Variants in ZGRF1 observed in about 807,000 individuals in gnomAD.
ZGRF1 encodes the protein zinc finger GRF-type containing 1.
In ZGRF1, 196 loss-of-function variants were observed where a neutral mutation model predicts 203.5. The observed-to-expected ratio is 0.96, with a 90% CI of 0.86 to 1.08. The LOEUF is 1.08. Among genes scored for constraint, ZGRF1 ranks in the 50% least tolerant of loss-of-function variants. The pLI is 0.00. For synonymous variants in ZGRF1, 809 were observed against 841.3 expected (o/e 0.96, Z 0.66); for missense variants, 2,326 against 2,416.3 (o/e 0.96, Z 0.78).
At position 112,581,692 on chromosome 4, in the gene ZGRF1, C is replaced by T. The variant is rs746948677; in HGVS notation, c.4409G>A (p.Arg1470Gln). The change falls in exon 16 of 28, where the codon CGG (arginine) becomes CAG (glutamine). Residue 1470 changes from arginine (R) to glutamine (Q), a missense_variant. Coordinates refer to ENST00000505019, the MANE Select transcript of ZGRF1 (RefSeq NM_018392.5). Reference sequence around the variant, plus strand: ...GCTATAAGCTGAAGATCTTTCCTTCCGACTTAGCTTAAGATAAAGTTTGGT... The same window carrying T: ...GCTATAAGCTGAAGATCTTTCCTTCTGACTTAGCTTAAGATAAAGTTTGGT... ...PKTKLYLKLS[R>Q]KERSSAYSKN... 79 of 1,579,554 alleles carry T rather than the reference C, an allele frequency of 5.0e-5. No individual in the cohort carries two copies. The highest frequency in any genetic ancestry group is 6.2e-5 in the Non-Finnish European group (72 of 1,167,938).
At chr4:112,585,751 G>C (rs1578365108) in intron 13 of ZGRF1, 26 bp from the exon 14 acceptor site, 1 of 1,459,204 alleles carries the variant, frequency 6.9e-7, no homozygotes, top group Non-Finnish European at 9.2e-7. Context: ...AAAGAGAGCA[G>C]AAAATTAAAT....
intron 18 of ZGRF1, 113 bp downstream of exon 18, chr4:112,562,258 A>G (rs1742139220): frequency 1.5e-6 from 1 of 667,330 alleles, no homozygotes; most frequent in East Asian, 2.8e-5. Context: ...AGTCTGAAAA[A>G]TAATTACAAT....
chr4:112,554,344 T>G (rs917834824), intron 21 of ZGRF1, among the ~76,000 whole-genome samples: 15 of 152,016 alleles, frequency 9.9e-5, no homozygotes, highest in African/African-American at 3.6e-4. Flanking sequence ...ATCCCATTAC[T>G]GGGTATATAC....
chr4:112,567,692 G>A (rs1234010680), intron 16 of ZGRF1, among the ~76,000 whole-genome samples: 1 of 152,182 alleles, frequency 6.6e-6, no homozygotes, highest in Non-Finnish European at 1.5e-5. Context: ...TTAGGAGGCT[G>A]AGTCAGGGGG....
chr4:112,557,425 T>C (rs59201580), intron 20 of ZGRF1, among the ~76,000 whole-genome samples: 7 of 152,328 alleles, frequency 4.6e-5, no homozygotes, highest in East Asian at 3.9e-4. Context: ...TCTGCCTGCA[T>C]TGGCCTCCCA....
chr4:112,610,214 C>T (rs183014165), intron 7 of ZGRF1, among the ~76,000 whole-genome samples: 117 of 152,162 alleles, frequency 7.7e-4, no homozygotes, highest in African/African-American at 2.6e-3. Flanking sequence ...AAGCTTACAA[C>T]GGTACTAGTA....
chr4:112,594,570 A>C (rs1322313529), intron 10 of ZGRF1, among the ~76,000 whole-genome samples: 1 of 151,648 alleles, frequency 6.6e-6, no homozygotes, highest in African/African-American at 2.4e-5. Context: ...CTCCTGCCTC[A>C]GTCTCCCAAG....
At chr4:112,632,111 T>C in intron 2 of ZGRF1, 101 bp from the exon 3 acceptor site, 1 of 506,074 alleles carries the variant, frequency 2.0e-6, no homozygotes, top group Non-Finnish European at 3.1e-6. Context: ...TTAAGGCACC[T>C]TTCATCAAAA....
Position 112,630,862 on chromosome 4 carries a change from G to A in ZGRF1, c.102+1068C>T, listed in dbSNP as rs554863765. On this transcript the variant is annotated intron_variant, in intron 3 of 27. Transcript: ENST00000505019. Reference sequence around the variant, plus strand: ...AGATCATGCCACTGCACTCCAACCCGGGCAACAGAGTGAGATTCTGGCTCA... The same window carrying A: ...AGATCATGCCACTGCACTCCAACCCAGGCAACAGAGTGAGATTCTGGCTCA... Among the ~76,000 whole-genome samples the A allele has an allele frequency of 5.9e-5, 9 of 151,712 alleles. No homozygotes were observed. The East Asian group carries it at 7.8e-4, about 13-fold the overall frequency.
intron 16 of ZGRF1, among the ~76,000 whole-genome samples, chr4:112,574,605 T>G (rs1388968417): frequency 6.6e-6 from 1 of 152,208 alleles, no homozygotes; most frequent in South Asian, 2.1e-4. Context: ...AGATGCTTAT[T>G]GTATTATTTT....
At chr4:112,598,134 A>G (rs1749348017) in intron 10 of ZGRF1, among the ~76,000 whole-genome samples, 1 of 152,156 alleles carries the variant, frequency 6.6e-6, no homozygotes, top group African/African-American at 2.4e-5. Context: ...GAAGGCAGCA[A>G]TGGGCATTCT....
In ZGRF1 at chr4:112,621,172, G is replaced by C. The variant is rs375107425; in HGVS notation, c.163-982C>G. Among the ~76,000 whole-genome samples the C allele has an allele frequency of 5.3e-5, 8 of 152,186 alleles. No homozygotes were observed. In the East Asian group the frequency reaches 5.8e-4, roughly 11 times the overall value. On this transcript the variant is annotated intron_variant, in intron 4 of 27. Transcript: ENST00000505019. ...ATTCACTTAGAATCCATACAACTAA[G>C]TGTAACTTTTCAAAAATTAGAGTTA...
At chr4:112,588,983 T>C (rs186310468) in intron 11 of ZGRF1, among the ~76,000 whole-genome samples, 328 of 152,292 alleles carry the variant, frequency 2.2e-3, no homozygotes, top group Non-Finnish European at 3.9e-3. Context: ...TATTTGATTC[T>C]TCTCTACCTT....
chr4:112,572,981 G>C (rs1390224530), intron 16 of ZGRF1, among the ~76,000 whole-genome samples: 1 of 152,146 alleles, frequency 6.6e-6, no homozygotes, highest in Non-Finnish European at 1.5e-5. Flanking sequence ...GGAAAACAGT[G>C]TGGAGATTCC....
chr4:112,551,916 G>T (rs1316693152), intron 22 of ZGRF1, among the ~76,000 whole-genome samples: 2 of 152,216 alleles, frequency 1.3e-5, no homozygotes, highest in East Asian at 3.9e-4. Context: ...TACTGACCTA[G>T]CAAGTATTAA....
At chr4:112,630,800 C>A (rs2047384676) in intron 3 of ZGRF1, among the ~76,000 whole-genome samples, 1 of 150,864 alleles carries the variant, frequency 6.6e-6, no homozygotes, top group Non-Finnish European at 1.5e-5. Context: ...TGAGGCAGAA[C>A]TGCTTGAACG....
rs768552453 is a variant in ZGRF1 at position 112,589,871 on chromosome 4, T to C, written c.2980A>G (p.Thr994Ala). ...TCMQIDFLQV[T>A]SPEENISTLS... is the part of the protein sequence containing the mutation. ...GTAGAGATGTTTTCTTCTGGTGATG[T>C]CACCTATACAGAAAGAAGAATCAAA... The change falls in exon 11 of 28, where the codon ACA (threonine) becomes GCA (alanine). Residue 994 changes from threonine (T) to alanine (A), a missense_variant. Physicochemically the swap from Thr to Ala is moderately conservative, Grantham distance 58 (BLOSUM62 0). Transcript: ENST00000505019. The C allele has an allele frequency of 2.2e-5, 35 of 1,570,128 alleles. No homozygotes were observed. The highest frequency in any genetic ancestry group is 5.9e-5 in the Admixed American group (3 of 50,742).
At chr4:112,606,571 T>C (rs572457384) in intron 8 of ZGRF1, among the ~76,000 whole-genome samples, 58 of 151,868 alleles carry the variant, frequency 3.8e-4, no homozygotes, top group African/African-American at 1.3e-3. Context: ...TGAGGCAGAA[T>C]TGCTTGAACC....
Position 112,623,989 on chromosome 4 carries a change from T to C in ZGRF1, c.103-113A>G, listed in dbSNP as rs2047146678. On this transcript the variant is annotated intron_variant, in intron 3 of 27. Transcript: ENST00000505019. ...ATAAGTAATCATATAATGAAAGGAT[T>C]ACATTTGTTGAACTTGGATTTGAAA... is the stretch of plus-strand genomic sequence containing the variant. The C allele has an allele frequency of 2.2e-5, 14 of 629,400 alleles. No homozygotes were observed. The South Asian group carries it at 2.9e-4, about 13-fold the overall frequency. 39.0% of individuals were successfully genotyped at this position (629,400 alleles called of 1,614,324 possible).
Sources: gnomAD v4.1 joint callset for allele counts (sites outside exome capture counted in the v4.1 genomes callset) on GRCh38, gnomAD v4.1.1 for gene constraint, MANE v1.5 for transcripts, NCBI Gene and HGNC (gene_info 2026-07-23, HGNC 2026-07-21) for gene names.